Variants in ARHGAP6 observed in about 807,000 individuals in gnomAD.
ARHGAP6 encodes the protein Rho GTPase activating protein 6.
ARHGAP6 carries 16 observed loss-of-function variants against 55.7 expected under a neutral mutation model. That is an observed-to-expected ratio of 0.29 (90% CI 0.19 to 0.44). ARHGAP6 has a LOEUF of 0.44. ARHGAP6 is among the 20% of genes least tolerant of loss of function. The pLI, the probability that ARHGAP6 is intolerant of heterozygous loss-of-function variation, is 1.00. For synonymous variants in ARHGAP6, 382 were observed against 360.9 expected (o/e 1.06, Z -0.66); for missense variants, 698 against 808.9 (o/e 0.86, Z 1.66).
At chrX:11,241,417 C>T (rs995004739) in intron 2 of ARHGAP6, among the ~76,000 whole-genome samples, 23 of 110,371 alleles carry the variant, frequency 2.1e-4, no homozygotes, top group African/African-American at 7.2e-4. Context: ...TAAGTGGGAA[C>T]CAGGGTTCAA....
chrX:11,508,529 G>A (rs1229578443), intron 1 of ARHGAP6, among the ~76,000 whole-genome samples: 1 of 110,899 alleles, frequency 9.0e-6, no homozygotes, highest in East Asian at 2.8e-4. Context: ...ATGCCACTAA[G>A]TCCGTCTTTC....
intron 1 of ARHGAP6, among the ~76,000 whole-genome samples, chrX:11,398,197 T>A (rs1466033393): frequency 9.6e-6 from 1 of 104,448 alleles, no homozygotes; most frequent in Admixed American, 1.1e-4. Context: ...TTATGAAGAT[T>A]AAAGAAGTAT....
Position 11,517,761 on chromosome X carries a change from C to T in ARHGAP6, c.588+146480G>A, listed in dbSNP as rs765722274. Among the ~76,000 whole-genome samples, 5 of 110,698 alleles carry T rather than the reference C, an allele frequency of 4.5e-5. No individual in the cohort carries two copies. The South Asian group carries it at 2.0e-3, about 43-fold the overall frequency. ...GTATGTTCTCACTTATAAGTAGGAG[C>T]TGAACAATGAGAACACGTGGACACA... On this transcript the variant is annotated intron_variant, in intron 1 of 12. Transcript: ENST00000337414.
intron 1 of ARHGAP6, among the ~76,000 whole-genome samples, chrX:11,485,613 A>AT (rs2050503594): frequency 8.9e-6 from 1 of 112,459 alleles, no homozygotes; most frequent in Non-Finnish European, 1.9e-5. Flanking sequence ...GTTTCATGTG[A>AT]TTTTTTGAAT....
At chrX:11,309,654 G>GA (rs993327851) in intron 1 of ARHGAP6, among the ~76,000 whole-genome samples, 11 of 111,191 alleles carry the variant, frequency 9.9e-5, no homozygotes, top group African/African-American at 3.6e-4. Flanking sequence ...TTGCTGGAGG[G>GA]AAAAAATCAT....
intron 1 of ARHGAP6, among the ~76,000 whole-genome samples, chrX:11,339,338 C>G (rs2048675733): frequency 9.0e-6 from 1 of 111,420 alleles, no homozygotes; most frequent in Non-Finnish European, 1.9e-5. Context: ...CTTCCTCATT[C>G]TTTAATGCGC....
intron 8 of ARHGAP6, among the ~76,000 whole-genome samples, chrX:11,172,081 G>A (rs758094388): frequency 9.0e-6 from 1 of 111,192 alleles, no homozygotes; most frequent in Non-Finnish European, 1.9e-5. Context: ...ATAGAATTCA[G>A]GAGTCCCAAT....
At chrX:11,277,810 T>C (rs1276213577) in intron 1 of ARHGAP6, among the ~76,000 whole-genome samples, 1 of 111,552 alleles carries the variant, frequency 9.0e-6, no homozygotes. Context: ...ATTGTTGATA[T>C]CCAGCATGGC....
chrX:11,322,182 G>C (rs1304426060), intron 1 of ARHGAP6, among the ~76,000 whole-genome samples: 2 of 111,447 alleles, frequency 1.8e-5, no homozygotes, highest in Non-Finnish European at 3.8e-5. Flanking sequence ...CTTGCTATTT[G>C]GGCGAGATCA....
intron 1 of ARHGAP6, among the ~76,000 whole-genome samples, chrX:11,498,394 G>A (rs776892518): frequency 8.9e-6 from 1 of 111,793 alleles, no homozygotes; most frequent in Admixed American, 9.5e-5. Flanking sequence ...TTTCACTTTC[G>A]TTAACTCCAA....
At chrX:11,454,592 G>C (rs1034237286) in intron 1 of ARHGAP6, among the ~76,000 whole-genome samples, 1 of 111,987 alleles carries the variant, frequency 8.9e-6, no homozygotes, top group African/African-American at 3.2e-5. Flanking sequence ...ATCAAGGAGT[G>C]TGGTTTTCAG....
In ARHGAP6 at chrX:11,599,017, T is replaced by G. The variant is rs759013500; in HGVS notation, c.588+65224A>C. On this transcript the variant is annotated intron_variant, in intron 1 of 12. Coordinates refer to ENST00000337414, the MANE Select transcript of ARHGAP6 (RefSeq NM_013427.3). ...AGGTTACAGTAAGTTGTGATCATGA[T>G]ACTGCACTCCAGCCTGGGCAACAGA... 1.8e-4 allele frequency among the ~76,000 whole-genome samples: 20 copies of G among 111,459 alleles called. 1 individual carries two copies. The East Asian group carries it at 5.0e-3, about 28-fold the overall frequency.
chrX:11,283,996 G>C (rs370999422), intron 1 of ARHGAP6, among the ~76,000 whole-genome samples: 1 of 111,672 alleles, frequency 9.0e-6, no homozygotes, highest in Non-Finnish European at 1.9e-5. Context: ...GAAATAGAAG[G>C]CTCAAAAAGG....
intron 2 of ARHGAP6, among the ~76,000 whole-genome samples, chrX:11,217,427 T>A (rs2077199285): frequency 8.9e-6 from 1 of 112,461 alleles, no homozygotes; most frequent in Non-Finnish European, 1.9e-5. Context: ...TGAAATGGTA[T>A]CTCATTGTGG....
chrX:11,256,220 T>C (rs1006707408), intron 1 of ARHGAP6, among the ~76,000 whole-genome samples: 1 of 111,639 alleles, frequency 9.0e-6, no homozygotes, highest in Non-Finnish European at 1.9e-5. Flanking sequence ...CAAAAGCCCG[T>C]CTCTACTAAA....
At chrX:11,510,931 A>T (rs192858047) in intron 1 of ARHGAP6, among the ~76,000 whole-genome samples, 106 of 111,875 alleles carry the variant, frequency 9.5e-4, no homozygotes, top group African/African-American at 3.1e-3. Context: ...CTACAAGCAG[A>T]GTTGAGTAGT....
At chrX:11,556,630 G>T (rs1260844665) in intron 1 of ARHGAP6, among the ~76,000 whole-genome samples, 1 of 112,148 alleles carries the variant, frequency 8.9e-6, no homozygotes, top group African/African-American at 3.2e-5. Flanking sequence ...TAAAGAAAAG[G>T]AGTTCCTCGA....
chrX:11,301,806 C>G (rs1360254987), intron 1 of ARHGAP6, among the ~76,000 whole-genome samples: 2 of 111,569 alleles, frequency 1.8e-5, no homozygotes, highest in Admixed American at 1.9e-4. Context: ...GTAAAATAAG[C>G]CCACAAATAA....
At chrX:11,509,356 T>C (rs182204695) in intron 1 of ARHGAP6, among the ~76,000 whole-genome samples, 308 of 112,018 alleles carry the variant, frequency 2.7e-3, no homozygotes, top group African/African-American at 9.4e-3. Context: ...AAAATAATGT[T>C]TGGGGCCCAA....
Sources: allele counts gnomAD v4.1 joint callset (sites outside exome capture counted in the v4.1 genomes callset), GRCh38; gene constraint gnomAD v4.1.1; transcripts MANE v1.5; gene names NCBI Gene and HGNC (gene_info 2026-07-23, HGNC 2026-07-21).